NCF2: variants seen among roughly 807,000 people sequenced by gnomAD.
The protein encoded by NCF2 is neutrophil cytosolic factor 2, also known as neutrophil cytosol factor 2.
A neutral mutation model predicts 70.9 loss-of-function variants in NCF2; 45 were observed. The observed-to-expected ratio is 0.63, with a 90% CI of 0.50 to 0.81. NCF2 has a LOEUF of 0.81. Ranked by LOEUF, NCF2 falls within the 40% of genes least tolerant of loss-of-function variation. NCF2 has a pLI of 0.00. For synonymous variants in NCF2, 203 were observed against 233.6 expected (o/e 0.87, Z 1.19); for missense variants, 522 against 631.6 (o/e 0.83, Z 1.86).
chr1:183,580,939 A>G (rs189759864), intron 2 of NCF2, among the ~76,000 whole-genome samples: 2 of 150,564 alleles, frequency 1.3e-5, no homozygotes, highest in African/African-American at 2.4e-5. Flanking sequence ...AAACCATGCC[A>G]CTGCACTCCA....
intron 2 of NCF2, among the ~76,000 whole-genome samples, chr1:183,578,885 G>C (rs1287887934): frequency 6.6e-6 from 1 of 152,240 alleles, no homozygotes; most frequent in Non-Finnish European, 1.5e-5. Context: ...AGAGGCCCTG[G>C]TGGGAGGGAG....
At chr1:183,573,555 ACT>A (rs1176280662) in intron 4 of NCF2, among the ~76,000 whole-genome samples, 1 of 151,568 alleles carries the variant, frequency 6.6e-6, no homozygotes, top group African/African-American at 2.4e-5. Flanking sequence ...CTCCTCTCCC[ACT>A]CTGTGTGCTG....
At chr1:183,590,093 T>C in intron 1 of NCF2, 63 bp downstream of exon 1, 5 of 1,608,422 alleles carry the variant, frequency 3.1e-6, no homozygotes, top group Non-Finnish European at 4.3e-6. Context: ...CGAAATGCAA[T>C]GGGGTTGAGA....
chr1:183,599,445 T>TCTTTTC, the NCF2 span, among the ~76,000 whole-genome samples: 1 of 107,376 alleles, frequency 9.3e-6, no homozygotes, highest in Non-Finnish European at 2.0e-5. Context: ...TTTCTTTCTT[T>TCTTTTC]CTTTCTTTCT....
chr1:183,570,766 C>T lies in NCF2; in HGVS notation c.669+14G>A, dbSNP rs1268509572. 1 of 1,613,544 alleles carries T rather than the reference C, an allele frequency of 6.2e-7. No individual in the cohort carries two copies. Among genetic ancestry groups the T allele is most frequent in the Non-Finnish European group, 8.5e-7 (1 of 1,179,574 alleles). On this transcript the variant is annotated intron_variant, in intron 6 of 14. Transcript: ENST00000367535. ...CGAGACCTAGGTCCATGGAGAAGGT[C>T]AGGACTGCCTTACCTGTGGTTGCAG...
chr1:183,561,078 T>A (rs1472829717), intron 13 of NCF2, among the ~76,000 whole-genome samples: 1 of 152,256 alleles, frequency 6.6e-6, no homozygotes, highest in Non-Finnish European at 1.5e-5. Context: ...CACTGCACAA[T>A]GCCATACTTG....
At chr1:183,599,433 T>TCTTTCTTTCTTTCTTTC in the NCF2 span, among the ~76,000 whole-genome samples, 57 of 92,402 alleles carry the variant, frequency 6.2e-4, 1 homozygote, top group African/African-American at 1.6e-3. Flanking sequence ...CTTCTTTCTT[T>TCTTTCTTTCTTTCTTTC]CTTTCTTTCT....
At chr1:183,598,910 G>C in the NCF2 span, among the ~76,000 whole-genome samples, 1 of 152,230 alleles carries the variant, frequency 6.6e-6, no homozygotes, top group Non-Finnish European at 1.5e-5. Flanking sequence ...GGATGTATGG[G>C]CAAGTATGAG....
chr1:183,563,884 A>G, intron 11 of NCF2, 121 bp downstream of exon 11: 1 of 1,139,600 alleles, frequency 8.8e-7, no homozygotes, highest in South Asian at 1.2e-5. Flanking sequence ...TCTGTAAGGT[A>G]GCAACTGGTT....
intron 13 of NCF2, among the ~76,000 whole-genome samples, chr1:183,561,751 G>A (rs1672062224): frequency 7.2e-6 from 1 of 139,130 alleles, no homozygotes; most frequent in Non-Finnish European, 1.5e-5. Flanking sequence ...AAAGTGCTAG[G>A]ATTTCAGGCA....
chr1:183,600,019 C>T, the NCF2 span, among the ~76,000 whole-genome samples: 1 of 152,200 alleles, frequency 6.6e-6, no homozygotes, highest in African/African-American at 2.4e-5. Context: ...GTGCTTTTAA[C>T]CTTTCTATAA....
the NCF2 span, among the ~76,000 whole-genome samples, chr1:183,600,718 G>C: frequency 6.6e-6 from 1 of 151,396 alleles, no homozygotes; most frequent in Non-Finnish European, 1.5e-5. Flanking sequence ...ACTCTTTTCT[G>C]GGTTTCAGGA....
upstream of NCF2, among the ~76,000 whole-genome samples, chr1:183,591,779 G>A (rs527662890): frequency 3.3e-5 from 5 of 152,224 alleles, no homozygotes; most frequent in East Asian, 1.9e-4. Flanking sequence ...GTGAGCCACC[G>A]TGCCCAGCCG....
At position 183,560,138 on chromosome 1, in the gene NCF2, G is replaced by T; in HGVS notation, c.1426C>A (p.Leu476Met). Residue 476 changes from leucine to methionine, a missense_variant, in exon 14 of 15, where the codon CTG (leucine) becomes ATG (methionine). Leu to Met is a conservative substitution (Grantham distance 15). Coordinates refer to ENST00000367535, the MANE Select transcript of NCF2 (RefSeq NM_000433.4). ...FSYEATQPED[L>M]EFQEGDIILV... ...ATTATATCCCCTTCCTGAAACTCCA[G>T]GTCCTCTGGTTGGGTAGCCTCATAA... The T allele has an allele frequency of 6.2e-7, 1 of 1,614,136 alleles. No homozygotes were observed. The highest frequency in any genetic ancestry group is 8.5e-7 in the Non-Finnish European group (1 of 1,180,008).
chr1:183,562,383 T>A (rs966506304), intron 13 of NCF2, among the ~76,000 whole-genome samples: 11 of 152,044 alleles, frequency 7.2e-5, no homozygotes, highest in Non-Finnish European at 1.5e-4. Flanking sequence ...AAGAGACCCC[T>A]TACACTCACA....
the NCF2 span, among the ~76,000 whole-genome samples, chr1:183,599,429 T>TCTTTCTTTCTTTTCTTTC: frequency 3.5e-5 from 3 of 85,906 alleles, no homozygotes; most frequent in African/African-American, 1.2e-4. Context: ...TTTCCTTCTT[T>TCTTTCTTTCTTTTCTTTC]CTTTCTTTCT....
At chr1:183,577,466 G>A (rs1295007789) in intron 3 of NCF2, 133 bp downstream of exon 3, 3 of 727,624 alleles carry the variant, frequency 4.1e-6, no homozygotes, top group Non-Finnish European at 7.5e-6. Flanking sequence ...GAAAATCTGA[G>A]TCTCAAGGCA....
chr1:183,590,401 T>A lies in NCF2; in HGVS notation c.-72A>T. 2 of 1,570,488 alleles carry A rather than the reference T, an allele frequency of 1.3e-6. No individual in the cohort carries two copies. Among genetic ancestry groups the A allele is most frequent in the African/African-American group, 1.3e-5 (1 of 74,152 alleles). On this transcript the variant is annotated 5_prime_UTR_variant, in exon 1 of 15. Coordinates refer to ENST00000367535, the MANE Select transcript of NCF2 (RefSeq NM_000433.4). ...AGAAGACAGGTTGGAGCGTCTCCCC[T>A]AGCAGGGCTGCCTTAGTGGCCCCCA... is the stretch of plus-strand genomic sequence containing the variant.
the NCF2 span, among the ~76,000 whole-genome samples, chr1:183,601,543 TATA>T: frequency 1.3e-5 from 2 of 152,186 alleles, no homozygotes; most frequent in African/African-American, 4.8e-5. Flanking sequence ...TAGCATTTTT[TATA>T]ATGAGGGTAG....
Sources: allele counts gnomAD v4.1 joint callset (sites outside exome capture counted in the v4.1 genomes callset), GRCh38; gene constraint gnomAD v4.1.1; transcripts MANE v1.5; gene names NCBI Gene and HGNC (gene_info 2026-07-23, HGNC 2026-07-21).